DLGAP1: variants seen among roughly 807,000 people sequenced by gnomAD.
DLGAP1 encodes disks large-associated protein 1.
DLGAP1 carries 11 observed loss-of-function variants against 90.8 expected under a neutral mutation model. The ratio of observed to expected loss-of-function variants is 0.12; its 90% CI spans 0.08 to 0.20. The LOEUF (loss-of-function observed/expected upper bound fraction) is 0.20, where lower values mean the gene tolerates loss of function less well. Among genes scored for constraint, DLGAP1 ranks in the 10% least tolerant of loss-of-function variants. The probability of loss-of-function intolerance (pLI) is 1.00; values close to 1 mark genes in which losing one functional copy is unlikely to be tolerated. For synonymous variants in DLGAP1, 558 were observed against 540.7 expected (o/e 1.03, Z -0.44); for missense variants, 1,050 against 1,333.8 (o/e 0.79, Z 3.31).
intron 1 of DLGAP1, among the ~76,000 whole-genome samples, chr18:4,160,128 T>C (rs779419513): frequency 2.6e-5 from 4 of 152,222 alleles, no homozygotes; most frequent in Non-Finnish European, 5.9e-5. Context: ...ATAATCTGTG[T>C]GCAGAAGAAT....
At chr18:4,108,813 G>T (rs1312205544) in intron 2 of DLGAP1, among the ~76,000 whole-genome samples, 6 of 151,946 alleles carry the variant, frequency 3.9e-5, no homozygotes. Context: ...CAACAGTGTA[G>T]CCTGGAATAT....
At chr18:4,235,478 T>C (rs1355233459) in intron 1 of DLGAP1, among the ~76,000 whole-genome samples, 1 of 152,094 alleles carries the variant, frequency 6.6e-6, no homozygotes, top group Non-Finnish European at 1.5e-5. Context: ...CAAGCTATAA[T>C]CCATGAAATT....
At chr18:3,619,951 G>C (rs1321516691) in intron 7 of DLGAP1, among the ~76,000 whole-genome samples, 1 of 151,640 alleles carries the variant, frequency 6.6e-6, no homozygotes, top group Non-Finnish European at 1.5e-5. Flanking sequence ...TAAGTAGCCG[G>C]AACTATAGGT....
intron 4 of DLGAP1, among the ~76,000 whole-genome samples, chr18:3,858,473 G>A (rs1207243176): frequency 4.2e-5 from 2 of 47,636 alleles, no homozygotes; most frequent in African/African-American, 1.4e-4. Flanking sequence ...CAACAAAAGG[G>A]AAACATATAT....
chr18:3,902,453 C>A (rs578219836), intron 3 of DLGAP1, among the ~76,000 whole-genome samples: 3 of 152,312 alleles, frequency 2.0e-5, no homozygotes, highest in East Asian at 3.9e-4. Flanking sequence ...TTAGAAAACA[C>A]TGGCATACAG....
chr18:4,161,536 T>C (rs113449596), intron 1 of DLGAP1, among the ~76,000 whole-genome samples: 2 of 152,192 alleles, frequency 1.3e-5, no homozygotes, highest in African/African-American at 4.8e-5. Context: ...CTATTGTGAA[T>C]AGTGCTGCAA....
At chr18:3,670,493 T>C (rs924234817) in intron 7 of DLGAP1, among the ~76,000 whole-genome samples, 2 of 152,232 alleles carry the variant, frequency 1.3e-5, no homozygotes, top group Non-Finnish European at 2.9e-5. Flanking sequence ...AATTCTTTTT[T>C]GGTAATTGTC....
At chr18:4,409,415 T>C (rs2082730145) in intron 1 of DLGAP1, among the ~76,000 whole-genome samples, 1 of 152,228 alleles carries the variant, frequency 6.6e-6, no homozygotes, top group African/African-American at 2.4e-5. Flanking sequence ...TAATGTGATG[T>C]TGAGAAATAG....
chr18:3,715,109 T>A (rs1388317870), intron 7 of DLGAP1, among the ~76,000 whole-genome samples: 1 of 152,206 alleles, frequency 6.6e-6, no homozygotes, highest in Admixed American at 6.5e-5. Flanking sequence ...GCTCAACTGC[T>A]TATTTCTAGG....
At chr18:4,044,026 A>C (rs2075014142) in intron 2 of DLGAP1, among the ~76,000 whole-genome samples, 1 of 152,248 alleles carries the variant, frequency 6.6e-6, no homozygotes, top group Non-Finnish European at 1.5e-5. Flanking sequence ...AAATTGGGTA[A>C]TGTAAGACAT....
At chr18:3,769,783 C>T (rs1326271698) in intron 5 of DLGAP1, among the ~76,000 whole-genome samples, 1 of 151,870 alleles carries the variant, frequency 6.6e-6, no homozygotes, top group Non-Finnish European at 1.5e-5. Context: ...TGTATCTTGA[C>T]TACCAGTGTC....
At chr18:3,898,760 T>G (rs887542910) in intron 3 of DLGAP1, among the ~76,000 whole-genome samples, 1 of 152,188 alleles carries the variant, frequency 6.6e-6, no homozygotes, top group African/African-American at 2.4e-5. Context: ...AAATCACGCT[T>G]TCCAACATGA....
At chr18:3,989,200 T>C (rs532033392) in intron 3 of DLGAP1, among the ~76,000 whole-genome samples, 6 of 152,362 alleles carry the variant, frequency 3.9e-5, no homozygotes, top group Admixed American at 2.6e-4. Context: ...CACTGTCTTT[T>C]CTTAGTGAGT....
At chr18:3,534,928 G>C (rs2052254025) in intron 9 of DLGAP1, among the ~76,000 whole-genome samples, 1 of 152,054 alleles carries the variant, frequency 6.6e-6, no homozygotes, top group Non-Finnish European at 1.5e-5. Context: ...CTGGCCTCAA[G>C]TGATCTGCCT....
At chr18:3,732,548 G>A (rs1444585936) in intron 6 of DLGAP1, among the ~76,000 whole-genome samples, 3 of 152,076 alleles carry the variant, frequency 2.0e-5, no homozygotes, top group Non-Finnish European at 4.4e-5. Flanking sequence ...TATTCCATAT[G>A]TAATCGATTT....
intron 2 of DLGAP1, among the ~76,000 whole-genome samples, chr18:4,059,360 A>G (rs1351642818): frequency 1.3e-5 from 2 of 152,182 alleles, no homozygotes; most frequent in African/African-American, 4.8e-5. Flanking sequence ...AAGAATTGGG[A>G]AAAGTTTGAT....
At chr18:4,376,611 A>G (rs2082018763) in intron 1 of DLGAP1, among the ~76,000 whole-genome samples, 1 of 152,220 alleles carries the variant, frequency 6.6e-6, no homozygotes, top group African/African-American at 2.4e-5. Context: ...ACTAATGTCA[A>G]GAGGAAACTT....
At chr18:3,758,870 G>A (rs576182879) in intron 5 of DLGAP1, among the ~76,000 whole-genome samples, 64 of 152,118 alleles carry the variant, frequency 4.2e-4, no homozygotes, top group Admixed American at 1.6e-3. Context: ...TACGTTTTTT[G>A]CAACAACACA....
intron 3 of DLGAP1, among the ~76,000 whole-genome samples, chr18:4,001,689 C>G (rs2074188995): frequency 6.6e-6 from 1 of 152,180 alleles, no homozygotes; most frequent in African/African-American, 2.4e-5. Flanking sequence ...TCATCTATTT[C>G]CTGCTCAATT....
Sources: allele counts gnomAD v4.1 joint callset (sites outside exome capture counted in the v4.1 genomes callset), GRCh38; gene constraint gnomAD v4.1.1; transcripts MANE v1.5; gene names NCBI Gene and HGNC (gene_info 2026-07-23, HGNC 2026-07-21).